FARS2: variants seen among roughly 807,000 people sequenced by gnomAD.
FARS2 encodes phenylalanine--tRNA ligase, mitochondrial.
Under a neutral mutation model 46.4 loss-of-function variants are expected in FARS2, and 40 were observed. The observed-to-expected ratio is 0.86, with a 90% confidence interval of 0.67 to 1.12. FARS2 has a LOEUF of 1.12. FARS2 is among the 50% of genes most tolerant of loss of function. The pLI, the probability that FARS2 is intolerant of heterozygous loss-of-function variation, is 0.00. For missense variants in FARS2, 513 were observed against 567.9 expected, an observed-to-expected ratio of 0.90 and a Z score of 0.98; for synonymous variants, 234 against 214.9, an observed-to-expected ratio of 1.09 and a Z score of -0.78.
intron 1 of FARS2, among the ~76,000 whole-genome samples, chr6:5,303,594 C>T (rs866517873): frequency 6.6e-6 from 1 of 151,982 alleles, no homozygotes; most frequent in South Asian, 2.1e-4. Context: ...TTTGCGGCCA[C>T]GCTGGCTGCT....
chr6:5,658,256 CA>C (rs3057209), intron 6 of FARS2, among the ~76,000 whole-genome samples: 87,845 of 135,374 alleles, frequency 0.65, 28,047 homozygotes, highest in South Asian at 0.79. Flanking sequence ...AACTCTGTCT[CA>C]AAAAAAAAAA....
intron 1 of FARS2, among the ~76,000 whole-genome samples, chr6:5,327,311 T>C (rs1298135601): frequency 6.6e-6 from 1 of 152,224 alleles, no homozygotes; most frequent in African/African-American, 2.4e-5. Flanking sequence ...TTGAAACATC[T>C]AGGAAAGGCT....
intron 6 of FARS2, among the ~76,000 whole-genome samples, chr6:5,663,487 C>T (rs919015700): frequency 6.6e-6 from 1 of 152,180 alleles, no homozygotes; most frequent in Admixed American, 6.5e-5. Context: ...GCCTTTGGGG[C>T]CACCAGCAGA....
chr6:5,444,056 A>G (rs1763990459), intron 4 of FARS2, among the ~76,000 whole-genome samples: 1 of 149,804 alleles, frequency 6.7e-6, no homozygotes, highest in African/African-American at 2.5e-5. Flanking sequence ...TCTACATGGG[A>G]GGTTTTTGAA....
chr6:5,762,268 C>T (rs763037777), intron 6 of FARS2, among the ~76,000 whole-genome samples: 5 of 152,146 alleles, frequency 3.3e-5, no homozygotes, highest in Non-Finnish European at 5.9e-5. Context: ...TCAATTCCTT[C>T]AAAAACTCTT....
intron 6 of FARS2, among the ~76,000 whole-genome samples, chr6:5,713,706 C>T (rs926134047): frequency 6.6e-6 from 1 of 152,242 alleles, no homozygotes; most frequent in Non-Finnish European, 1.5e-5. Context: ...CTAAGCAGCA[C>T]CGCAGAGCTT....
chr6:5,535,166 TA>T (rs1770119194), intron 4 of FARS2, among the ~76,000 whole-genome samples: 1 of 152,252 alleles, frequency 6.6e-6, no homozygotes, highest in African/African-American at 2.4e-5. Flanking sequence ...GTCTATCTCC[TA>T]AAATTCTGTC....
chr6:5,650,159 G>A (rs1018735714), intron 6 of FARS2, among the ~76,000 whole-genome samples: 1 of 152,050 alleles, frequency 6.6e-6, no homozygotes, highest in Non-Finnish European at 1.5e-5. Flanking sequence ...GGGGGACATG[G>A]AATGTGGCAC....
At chr6:5,753,538 G>A (rs1250160524) in intron 6 of FARS2, among the ~76,000 whole-genome samples, 2 of 147,536 alleles carry the variant, frequency 1.4e-5, no homozygotes, top group Non-Finnish European at 2.9e-5. Flanking sequence ...GATCAGCTGT[G>A]GCACGGAGCT....
chr6:5,673,259 G>A (rs1325990486), intron 6 of FARS2, among the ~76,000 whole-genome samples: 1 of 152,234 alleles, frequency 6.6e-6, no homozygotes, highest in East Asian at 1.9e-4. Context: ...GAGGGCAGAA[G>A]CCACAGCTGG....
chr6:5,455,932 C>T (rs1212920727), intron 4 of FARS2, among the ~76,000 whole-genome samples: 1 of 152,172 alleles, frequency 6.6e-6, no homozygotes, highest in Non-Finnish European at 1.5e-5. Flanking sequence ...ACTTAACAAA[C>T]AAGGCTGGGC....
chr6:5,606,509 G>A (rs937172984), intron 5 of FARS2, among the ~76,000 whole-genome samples: 1 of 152,050 alleles, frequency 6.6e-6, no homozygotes, highest in Non-Finnish European at 1.5e-5. Flanking sequence ...AAAAACTGTT[G>A]AATGATACTT....
At position 5,620,678 on chromosome 6, in the gene FARS2, G is replaced by A. The variant is rs551776800; in HGVS notation, c.1217+7358G>A. ...GTTCAGAATACCCCACCTGGGCCCC[G>A]AGTCCACATGACCTTCACTGTCCAG... On this transcript the variant is annotated intron_variant, in intron 6 of 6. Transcript: ENST00000274680. Among the ~76,000 whole-genome samples the A allele has an allele frequency of 1.7e-4, 25 of 151,066 alleles. No individual in the cohort carries two copies. In the South Asian group the frequency reaches 4.8e-3, roughly 29 times the overall value.
At chr6:5,251,191 CTG>C in the FARS2 span, among the ~76,000 whole-genome samples, 6 of 152,258 alleles carry the variant, frequency 3.9e-5, no homozygotes, top group African/African-American at 1.4e-4. Context: ...CACACACACA[CTG>C]TGAGTTTTCA....
rs1010009039 is a variant in FARS2 at position 5,295,562 on chromosome 6, A to T, written c.-22+33902A>T. Among the ~76,000 whole-genome samples, 18 of 152,340 alleles carry T rather than the reference A, an allele frequency of 1.2e-4. 1 individual carries two copies. The highest frequency in any genetic ancestry group is 8.5e-4 in the Admixed American group (13 of 15,304). On this transcript the variant is annotated intron_variant, in intron 1 of 6. Transcript: ENST00000274680. ...GTCTTGGTAATGATAAAAATGAGAG[A>T]ATATTTATGAATAGCAAGGGGACTT...
At chr6:5,391,925 G>A (rs1760543812) in intron 2 of FARS2, among the ~76,000 whole-genome samples, 1 of 152,170 alleles carries the variant, frequency 6.6e-6, no homozygotes, top group Non-Finnish European at 1.5e-5. Flanking sequence ...TGTAGTTGGG[G>A]TTGAATTTGT....
intron 6 of FARS2, among the ~76,000 whole-genome samples, chr6:5,620,222 A>G (rs1775697008): frequency 6.6e-6 from 1 of 152,056 alleles, no homozygotes; most frequent in Non-Finnish European, 1.5e-5. Context: ...ACACACATAC[A>G]CGCACACACA....
intron 5 of FARS2, among the ~76,000 whole-genome samples, chr6:5,569,958 TAC>T (rs5873987): frequency 0.14 from 21,016 of 152,196 alleles, 1,698 homozygotes; most frequent in East Asian, 0.21. Flanking sequence ...GGGTCAGGCA[TAC>T]AGTGTTTCTT....
intron 4 of FARS2, among the ~76,000 whole-genome samples, chr6:5,539,467 C>G (rs899500372): frequency 5.3e-5 from 8 of 149,988 alleles, no homozygotes; most frequent in East Asian, 4.0e-4. Context: ...CTCCTGACCT[C>G]GTGATCTGCC....
Sources: allele counts gnomAD v4.1 joint callset (sites outside exome capture counted in the v4.1 genomes callset), GRCh38; gene constraint gnomAD v4.1.1; transcripts MANE v1.5; gene names NCBI Gene and HGNC (gene_info 2026-07-23, HGNC 2026-07-21).